The following RHPN2 variants were observed in gnomAD, a reference collection of about 807,000 sequenced individuals.
RHPN2 encodes rhophilin Rho GTPase binding protein 2.
RHPN2 carries 40 observed loss-of-function variants against 79.0 expected under a neutral mutation model. The observed-to-expected ratio is 0.51, with a 90% CI of 0.39 to 0.66. The LOEUF (loss-of-function observed/expected upper bound fraction) is 0.66, where lower values mean the gene tolerates loss of function less well. Among genes scored for constraint, RHPN2 ranks in the 30% least tolerant of loss-of-function variants. The probability of loss-of-function intolerance (pLI) is 0.00; values close to 1 mark genes in which losing one functional copy is unlikely to be tolerated. For missense variants in RHPN2, 686 were observed against 883.5 expected (o/e 0.78, Z 2.83); for synonymous variants, 285 against 363.5 (o/e 0.78, Z 2.46).
intron 14 of RHPN2, among the ~76,000 whole-genome samples, 172 bp from the exon 15 acceptor site, chr19:32,980,428 T>C (rs1344850827): frequency 6.6e-6 from 1 of 152,000 alleles, no homozygotes; most frequent in Non-Finnish European, 1.5e-5. Flanking sequence ...GCCAACATGG[T>C]GAAACCCCAT....
intron 14 of RHPN2, among the ~76,000 whole-genome samples, chr19:32,983,610 A>C (rs1433456449): frequency 6.9e-6 from 1 of 145,802 alleles, no homozygotes. Context: ...AATGTGTACC[A>C]CTACTTTCTT....
chr19:33,058,350 C>G (rs1246342156), intron 1 of RHPN2, among the ~76,000 whole-genome samples: 1 of 152,158 alleles, frequency 6.6e-6, no homozygotes, highest in African/African-American at 2.4e-5. Flanking sequence ...ACTGAGCTGT[C>G]GCTCCATAAA....
chr19:33,002,160 G>A, intron 9 of RHPN2, 87 bp downstream of exon 9: 1 of 1,482,978 alleles, frequency 6.7e-7, no homozygotes, highest in Non-Finnish European at 9.2e-7. Context: ...CTCCAGGGAA[G>A]GCAGTTAGCT....
chr19:33,052,022 G>A (rs1276837600), intron 1 of RHPN2, among the ~76,000 whole-genome samples: 24 of 149,386 alleles, frequency 1.6e-4, no homozygotes, highest in African/African-American at 5.9e-4. Context: ...ATTAAAGTCA[G>A]AAAGAGAGCC....
At chr19:32,994,659 C>T (rs531955451) in intron 11 of RHPN2, among the ~76,000 whole-genome samples, 1 of 152,080 alleles carries the variant, frequency 6.6e-6, no homozygotes, top group African/African-American at 2.4e-5. Context: ...TTCTCTGGCA[C>T]TCATAAAACC....
Position 32,993,959 on chromosome 19 carries a change from A to C in RHPN2, c.1497+18T>G. The stretch of plus-strand genomic sequence containing the variant: ...CTGTCCCCTTAGGTCATTTGAATGT[A>C]GAGAGCATTCAACATACCAGCTTCT... On this transcript the variant is annotated intron_variant, in intron 12 of 14. Coordinates refer to ENST00000254260, the MANE Select transcript of RHPN2 (RefSeq NM_033103.5). The C allele has an allele frequency of 1.7e-5, 26 of 1,569,432 alleles. No individual in the cohort carries two copies. Among genetic ancestry groups the C allele is most frequent in the Non-Finnish European group, 2.3e-5 (26 of 1,139,432 alleles).
intron 3 of RHPN2, among the ~76,000 whole-genome samples, chr19:33,023,544 T>C (rs1399905036): frequency 1.3e-5 from 2 of 151,514 alleles, no homozygotes; most frequent in African/African-American, 2.4e-5. Context: ...TCCCAGCTCT[T>C]TGGGAGGCCG....
intron 4 of RHPN2, among the ~76,000 whole-genome samples, chr19:33,020,223 G>C (rs1195773932): frequency 6.6e-6 from 1 of 152,100 alleles, no homozygotes; most frequent in Non-Finnish European, 1.5e-5. Flanking sequence ...CACAAGCAAA[G>C]ACTCTGGTTA....
intron 12 of RHPN2, among the ~76,000 whole-genome samples, chr19:32,993,320 C>G (rs903318969): frequency 7.3e-5 from 11 of 151,638 alleles, no homozygotes; most frequent in African/African-American, 2.2e-4. Flanking sequence ...ACTAAAAATA[C>G]AAAATTAGCT....
At chr19:32,999,780 G>T (rs1027237933) in intron 9 of RHPN2, 75 bp from the exon 10 acceptor site, 3 of 1,565,490 alleles carry the variant, frequency 1.9e-6, no homozygotes, top group South Asian at 1.1e-5. Context: ...TCTCTACCAT[G>T]TCTCCAGCTT....
rs1229584218 is a variant in RHPN2, at chr19:32,990,669, C to T, written c.1645G>A (p.Val549Met). ...HFLDPYCSAS[V>M]AGAREGDYIV... ...TAATCTCCTTCCCGGGCTCCTGCCA[C>T]CTGAAAAAGTATTGTTGAAATTAAG... The change falls in exon 14 of 15, where the codon GTG becomes ATG. Residue 549 changes from valine to methionine, a missense_variant and splice_region_variant. Transcript: ENST00000254260. The T allele has an allele frequency of 1.2e-6, 2 of 1,613,920 alleles. No homozygotes were observed. The highest frequency in any genetic ancestry group is 1.7e-6 in the Non-Finnish European group (2 of 1,179,838).
chr19:33,061,128 G>T (rs1024625365), intron 1 of RHPN2, among the ~76,000 whole-genome samples: 2 of 152,008 alleles, frequency 1.3e-5, no homozygotes, highest in African/African-American at 2.4e-5. Context: ...ACCCTGGGGG[G>T]GCCTACAAAG....
At chr19:33,051,381 C>G (rs1286817492) in intron 1 of RHPN2, 4 of 152,758 alleles carry the variant, frequency 2.6e-5, no homozygotes, top group Admixed American at 1.3e-4. Flanking sequence ...AGAGCAGCAC[C>G]TAGACAAAGC....
At chr19:33,064,602 G>A (rs1025170031) in intron 1 of RHPN2, among the ~76,000 whole-genome samples, 182 bp downstream of exon 1, 2 of 151,920 alleles carry the variant, frequency 1.3e-5, no homozygotes, top group Non-Finnish European at 2.9e-5. Flanking sequence ...CCGGGACGCC[G>A]GGGACATCGC....
At chr19:32,999,809 A>C in intron 9 of RHPN2, 104 bp from the exon 10 acceptor site, 1 of 1,477,320 alleles carries the variant, frequency 6.8e-7, no homozygotes, top group Non-Finnish European at 9.2e-7. Context: ...CTGCAGTTTC[A>C]CAAGGCATTT....
chr19:33,008,105 A>G lies in RHPN2; in HGVS notation c.669T>C (p.Thr223=). 6.2e-7 allele frequency: 1 copy of G among 1,613,884 alleles called. No homozygotes were observed. The highest frequency in any genetic ancestry group is 8.5e-7 in the Non-Finnish European group (1 of 1,179,962). Residue 223 remains threonine, a synonymous_variant, in exon 7 of 15, where the codon ACT becomes ACC. Coordinates refer to ENST00000254260, the MANE Select transcript of RHPN2 (RefSeq NM_033103.5). ...LLEKASVLFN[T]GALYTQIGTR... is the part of the protein sequence containing the mutation. ...TCCCAATCTGGGTGTAGAGGGCCCC[A>G]GTGTTGAACAGGACACTGGCCTTCT...
rs773295049 is a variant in RHPN2, at chr19:33,064,817, C to G, written c.36G>C (p.Pro12=). ...AGTAGCCGTCGTTCTCCTTCTCCAGCGGCTGGGGGGCCGCGGGCAACAGCG... is the reference window on the plus strand; with the variant it reads ...AGTAGCCGTCGTTCTCCTTCTCCAGGGGCTGGGGGGCCGCGGGCAACAGCG... The part of the protein sequence containing the change: ...TDALLPAAPQ[P]LEKENDGYFR... Residue 12 remains proline (P), a synonymous_variant, in exon 1 of 15, where the codon CCG becomes CCC. Coordinates refer to ENST00000254260, the MANE Select transcript of RHPN2 (RefSeq NM_033103.5). The G allele has an allele frequency of 6.1e-5, 92 of 1,505,808 alleles. No homozygotes were observed. The highest frequency in any genetic ancestry group is 7.9e-5 in the Non-Finnish European group (89 of 1,131,938). 93.3% of individuals were successfully genotyped at this position (1,505,808 alleles called of 1,614,324 possible).
chr19:33,018,521 C>T (rs1180661641), intron 4 of RHPN2, among the ~76,000 whole-genome samples: 1 of 152,164 alleles, frequency 6.6e-6, no homozygotes, highest in East Asian at 1.9e-4. Context: ...CATAAAGCTG[C>T]AATTCCCGAA....
At chr19:33,037,458 C>G (rs1393964680) in intron 2 of RHPN2, among the ~76,000 whole-genome samples, 1 of 152,214 alleles carries the variant, frequency 6.6e-6, no homozygotes. Context: ...CCTTTCCACA[C>G]TGTGGAAGCT....
Sources: allele counts gnomAD v4.1 joint callset (sites outside exome capture counted in the v4.1 genomes callset), GRCh38; gene constraint gnomAD v4.1.1; transcripts MANE v1.5; gene names NCBI Gene and HGNC (gene_info 2026-07-23, HGNC 2026-07-21).